OCA2: variants seen among roughly 807,000 people sequenced by gnomAD.
OCA2 encodes the protein OCA2 melanosomal transmembrane protein.
OCA2 carries 77 observed loss-of-function variants against 100.2 expected under a neutral mutation model. The observed-to-expected ratio is 0.77, with a 90% CI of 0.64 to 0.93. The LOEUF (loss-of-function observed/expected upper bound fraction) is 0.93. Ranked by LOEUF, OCA2 falls within the 40% of genes least tolerant of loss-of-function variation. The probability of loss-of-function intolerance (pLI) is 0.00; values close to 1 mark genes in which losing one functional copy is unlikely to be tolerated. For synonymous variants in OCA2, 432 were observed against 439.2 expected (o/e 0.98, Z 0.21); for missense variants, 1,062 against 1,089.1 (o/e 0.98, Z 0.35).
intron 19 of OCA2, among the ~76,000 whole-genome samples, chr15:27,896,973 G>A (rs1009179378): frequency 6.6e-6 from 1 of 152,086 alleles, no homozygotes; most frequent in Non-Finnish European, 1.5e-5. Context: ...GGCGGATTAC[G>A]AGGTCAGGAG....
chr15:28,010,793 T>C lies in OCA2; in HGVS notation c.1044+3983A>G, dbSNP rs111655669. 7.5e-3 allele frequency among the ~76,000 whole-genome samples: 1,146 copies of C among 152,054 alleles called. 18 individuals are homozygous for C. Among genetic ancestry groups the C allele is most frequent in the African/African-American group, 0.026 (1,090 of 41,458 alleles). ...AAAAAGCAACTGAAGTCCTAGAAAA[T>C]AGAAATGTAACTTTATTCCAATAAA... On this transcript the variant is annotated intron_variant, in intron 9 of 23. Coordinates refer to ENST00000354638, the MANE Select transcript of OCA2 (RefSeq NM_000275.3).
At chr15:27,922,667 G>GT (rs1324701801) in intron 19 of OCA2, among the ~76,000 whole-genome samples, 1 of 145,352 alleles carries the variant, frequency 6.9e-6, no homozygotes, top group Non-Finnish European at 1.5e-5. Flanking sequence ...AGCTTTTGTG[G>GT]TTTTTTGTTT....
Position 27,951,789 on chromosome 15 carries a change from T to C in OCA2, c.1946A>G (p.Asp649Gly). ...LNSFVPGIHL[D>G]LGWIAILGAI... is the part of the protein sequence containing the mutation. ...CAAAGCTAAATTAGACTCACCAAGATCAAGATGAATGCCAGGGACAAACGA... is the reference window on the plus strand; with the variant it reads ...CAAAGCTAAATTAGACTCACCAAGACCAAGATGAATGCCAGGGACAAACGA... Residue 649 changes from aspartate (D) to glycine (G), a missense_variant, in exon 18 of 24, where the codon GAT becomes GGT. Transcript: ENST00000354638. 6.2e-7 allele frequency: 1 copy of C among 1,603,350 alleles called. No homozygotes were observed. The highest frequency in any genetic ancestry group is 8.5e-7 in the Non-Finnish European group (1 of 1,170,296).
chr15:27,909,431 T>C (rs1468125611), intron 19 of OCA2, among the ~76,000 whole-genome samples: 1 of 151,970 alleles, frequency 6.6e-6, no homozygotes, highest in Admixed American at 6.6e-5. Flanking sequence ...AAAAAAGAAA[T>C]ATTAAGAATA....
chr15:27,730,921 A>G, the OCA2 span, among the ~76,000 whole-genome samples: 1 of 151,984 alleles, frequency 6.6e-6, no homozygotes, highest in Non-Finnish European at 1.5e-5. Flanking sequence ...TCAGCTATGC[A>G]TGGATCAACT....
chr15:27,750,766 G>A (rs1046109444), downstream of OCA2, among the ~76,000 whole-genome samples: 2 of 152,218 alleles, frequency 1.3e-5, no homozygotes, highest in Admixed American at 6.5e-5. Context: ...GTCAAGGTTG[G>A]CACAGTTACC....
intron 23 of OCA2, among the ~76,000 whole-genome samples, chr15:27,813,992 G>A (rs66521062): frequency 0.14 from 21,730 of 151,958 alleles, 2,319 homozygotes; most frequent in East Asian, 0.54. Context: ...GATCAAACAG[G>A]GTAATTGGAA....
At chr15:27,955,676 TATCA>T (rs747451452) in intron 16 of OCA2, among the ~76,000 whole-genome samples, 30 of 151,958 alleles carry the variant, frequency 2.0e-4, no homozygotes, top group Admixed American at 9.2e-4. Context: ...TGTTGTTTTT[TATCA>T]ATCGATGATC....
At chr15:28,026,951 G>T (rs986779840) in intron 4 of OCA2, among the ~76,000 whole-genome samples, 1 of 152,214 alleles carries the variant, frequency 6.6e-6, no homozygotes, top group Admixed American at 6.5e-5. Context: ...AGGGCATCGC[G>T]TGACAGGGTA....
chr15:27,952,001 T>C lies in OCA2; in HGVS notation c.1843-109A>G, dbSNP rs994251890. ...CGACAGATTTCACGAGGATGAAAAA[T>C]GTAACCTCTCGAACTTGAAAGAAAA... is the stretch of plus-strand genomic sequence containing the variant. On this transcript the variant is annotated intron_variant, in intron 17 of 23. Transcript: ENST00000354638. 11 of 811,164 alleles carry C rather than the reference T, an allele frequency of 1.4e-5. 1 individual carries two copies. The African/African-American group carries it at 1.9e-4, about 14-fold the overall frequency. 50.2% of individuals were successfully genotyped at this position (811,164 alleles called of 1,614,324 possible).
intron 2 of OCA2, among the ~76,000 whole-genome samples, chr15:28,048,621 T>A (rs1198894196): frequency 3.3e-5 from 5 of 152,084 alleles, no homozygotes; most frequent in Non-Finnish European, 7.4e-5. Context: ...TGGCAATGGA[T>A]CTTTAGCTAT....
intron 19 of OCA2, among the ~76,000 whole-genome samples, chr15:27,890,466 G>A (rs1156699386): frequency 6.6e-6 from 1 of 152,140 alleles, no homozygotes; most frequent in African/African-American, 2.4e-5. Context: ...CAGCCAGAAA[G>A]TACTATGCGT....
intron 2 of OCA2, among the ~76,000 whole-genome samples, chr15:28,037,595 G>T (rs1448485): frequency 0.19 from 28,450 of 152,154 alleles, 4,298 homozygotes; most frequent in East Asian, 0.88. Flanking sequence ...CAGGATTTTA[G>T]TTGATGAGTA....
intron 23 of OCA2, among the ~76,000 whole-genome samples, chr15:27,795,514 G>A (rs1031371760): frequency 1.2e-4 from 19 of 152,244 alleles, no homozygotes; most frequent in South Asian, 8.3e-4. Flanking sequence ...CAGCAGGCAA[G>A]TTGGCACTAC....
chr15:27,865,371 G>A (rs944206451), intron 21 of OCA2, among the ~76,000 whole-genome samples: 2 of 152,156 alleles, frequency 1.3e-5, no homozygotes, highest in Non-Finnish European at 2.9e-5. Flanking sequence ...AGAGTGTCCT[G>A]TTGACCTGGC....
chr15:27,871,968 A>G lies in OCA2; in HGVS notation c.2080-46T>C, dbSNP rs370930650. On this transcript the variant is annotated intron_variant, in intron 19 of 23. Transcript: ENST00000354638. ...TGAGAATCAGTTTAGAACCGAAAAT[A>G]TATGCAAGATTTAAAAAAAAAGTCT... 7.0e-5 allele frequency: 96 copies of G among 1,370,202 alleles called. 1 individual carries two copies. The African/African-American group carries it at 1.3e-3, about 19-fold the overall frequency. 84.9% of individuals were successfully genotyped at this position (1,370,202 alleles called of 1,614,324 possible).
chr15:27,783,434 A>T (rs1361882901), intron 23 of OCA2, among the ~76,000 whole-genome samples: 3 of 152,234 alleles, frequency 2.0e-5, no homozygotes, highest in Non-Finnish European at 4.4e-5. Context: ...TTGTAATAAA[A>T]AAAAGTCCAC....
At chr15:27,763,811 G>C (rs960439945) in intron 23 of OCA2, among the ~76,000 whole-genome samples, 3 of 152,208 alleles carry the variant, frequency 2.0e-5, no homozygotes, top group African/African-American at 7.2e-5. Context: ...CCAAATGTAG[G>C]TGACAGGACA....
intron 18 of OCA2, among the ~76,000 whole-genome samples, chr15:27,936,217 A>C (rs1403520653): frequency 6.6e-6 from 1 of 152,120 alleles, no homozygotes; most frequent in Non-Finnish European, 1.5e-5. Context: ...CAGGGTGCAA[A>C]CCCAGTGCTT....
Sources: gnomAD v4.1 joint callset for allele counts (sites outside exome capture counted in the v4.1 genomes callset) on GRCh38, gnomAD v4.1.1 for gene constraint, MANE v1.5 for transcripts, NCBI Gene and HGNC (gene_info 2026-07-23, HGNC 2026-07-21) for gene names.